Variants in PIGL observed in about 807,000 individuals in gnomAD.
The protein encoded by PIGL is N-acetylglucosaminyl-phosphatidylinositol de-N-acetylase.
In PIGL, 22 loss-of-function variants were observed where a neutral mutation model predicts 31.1. The ratio of observed to expected loss-of-function variants is 0.71; its 90% CI spans 0.51 to 1.01. The LOEUF (loss-of-function observed/expected upper bound fraction) is 1.01, where lower values mean the gene tolerates loss of function less well. Among genes scored for constraint, PIGL ranks in the 50% least tolerant of loss-of-function variants. The probability of loss-of-function intolerance (pLI) is 0.00; values close to 1 mark genes in which losing one functional copy is unlikely to be tolerated. For synonymous variants in PIGL, 131 were observed against 117.4 expected, an observed-to-expected ratio of 1.12 and a Z score of -0.75; for missense variants, 302 against 315.9, an observed-to-expected ratio of 0.96 and a Z score of 0.33.
At chr17:16,232,602 A>T (rs1324931850) in intron 1 of PIGL, among the ~76,000 whole-genome samples, 1 of 152,178 alleles carries the variant, frequency 6.6e-6, no homozygotes, top group East Asian at 1.9e-4. Context: ...TCTGATAACC[A>T]TAATCATAGA....
intron 1 of PIGL, among the ~76,000 whole-genome samples, chr17:16,220,319 G>A (rs543714870): frequency 6.6e-6 from 1 of 151,944 alleles, no homozygotes; most frequent in Non-Finnish European, 1.5e-5. Context: ...CTGCACTCCA[G>A]CCTGGCAACA....
intron 2 of PIGL, among the ~76,000 whole-genome samples, chr17:16,290,159 T>G (rs1019672195): frequency 4.0e-5 from 6 of 151,734 alleles, no homozygotes; most frequent in African/African-American, 1.5e-4. Context: ...AGTTGCTCAC[T>G]GCAACCTCCG....
chr17:16,267,617 T>C (rs1467360947), intron 2 of PIGL, among the ~76,000 whole-genome samples: 1 of 150,116 alleles, frequency 6.7e-6, no homozygotes, highest in Non-Finnish European at 1.5e-5. Context: ...GGCGGGAAGA[T>C]CACTTGAACC....
intron 2 of PIGL, among the ~76,000 whole-genome samples, chr17:16,236,982 G>A (rs2092701782): frequency 6.6e-6 from 1 of 151,992 alleles, no homozygotes; most frequent in Non-Finnish European, 1.5e-5. Flanking sequence ...CTGTTACCCA[G>A]GGTGGAGTGA....
chr17:16,305,042 T>G (rs964440039), intron 3 of PIGL, among the ~76,000 whole-genome samples: 2 of 151,958 alleles, frequency 1.3e-5, no homozygotes, highest in African/African-American at 4.8e-5. Context: ...ATTCCAACAC[T>G]TTGGGAGGCT....
In PIGL at chr17:16,295,929, G is replaced by A. The variant is rs543383536; in HGVS notation, c.336-3959G>A. 1.2e-4 allele frequency among the ~76,000 whole-genome samples: 19 copies of A among 152,134 alleles called. No individual in the cohort carries two copies. The East Asian group carries it at 1.3e-3, about 11-fold the overall frequency. ...GCATTCCAGCCTAGGCAACAAGACC[G>A]AAACACCATCTCAAAAATAAATAAA... is the stretch of plus-strand genomic sequence containing the variant. On this transcript the variant is annotated intron_variant, in intron 2 of 6. Transcript: ENST00000225609.
At chr17:16,283,247 C>T (rs1600820220) in intron 2 of PIGL, among the ~76,000 whole-genome samples, 3 of 152,222 alleles carry the variant, frequency 2.0e-5, no homozygotes, top group Admixed American at 2.0e-4. Context: ...AGGTGATCTG[C>T]CAGTCTCAGC....
In PIGL at chr17:16,233,496, A is replaced by G. The variant is rs541930077; in HGVS notation, c.236-475A>G. Among the ~76,000 whole-genome samples the G allele has an allele frequency of 5.3e-5, 8 of 152,274 alleles. No individual in the cohort carries two copies. In the East Asian group the frequency reaches 1.5e-3, roughly 29 times the overall value. On this transcript the variant is annotated intron_variant, in intron 1 of 6. Coordinates refer to ENST00000225609, the MANE Select transcript of PIGL (RefSeq NM_004278.4). ...AATGGTATCTACACATTTTCCTGTAATACTCAGGAGTAGCAACCTCTATTT... is the reference window on the plus strand; with the variant it reads ...AATGGTATCTACACATTTTCCTGTAGTACTCAGGAGTAGCAACCTCTATTT...
intron 2 of PIGL, among the ~76,000 whole-genome samples, chr17:16,273,247 C>G (rs1231931391): frequency 6.6e-6 from 1 of 152,084 alleles, no homozygotes; most frequent in Non-Finnish European, 1.5e-5. Flanking sequence ...AGACAGGTTG[C>G]CTGTGATCTG....
chr17:16,301,196 G>A (rs538192470), intron 3 of PIGL, among the ~76,000 whole-genome samples: 1 of 151,740 alleles, frequency 6.6e-6, no homozygotes, highest in African/African-American at 2.4e-5. Flanking sequence ...AAGCTGGAGT[G>A]CAGTGGCTGC....
chr17:16,316,983 CCT>C, intron 5 of PIGL: 1 of 1,243,834 alleles, frequency 8.0e-7, no homozygotes, highest in South Asian at 2.1e-5. Flanking sequence ...ATGTTTTACA[CCT>C]CTGGTATTCT....
chr17:16,257,735 G>A (rs1347817753), intron 2 of PIGL, among the ~76,000 whole-genome samples: 1 of 151,792 alleles, frequency 6.6e-6, no homozygotes, highest in South Asian at 2.1e-4. Context: ...TGAGAGAAGA[G>A]AGTAAAGTGA....
At chr17:16,268,381 T>G (rs2092854588) in intron 2 of PIGL, among the ~76,000 whole-genome samples, 3 of 152,038 alleles carry the variant, frequency 2.0e-5, no homozygotes, top group Non-Finnish European at 4.4e-5. Context: ...CTCTTTTAAG[T>G]GAAACATTAC....
At chr17:16,320,209 G>A in intron 6 of PIGL, among the ~76,000 whole-genome samples, 1 of 15,386 alleles carries the variant, frequency 6.5e-5, no homozygotes, top group African/African-American at 1.6e-4. Context: ...AGAAAAGGAA[G>A]GAAGGAAGGA....
chr17:16,299,349 G>T (rs532137592), intron 2 of PIGL, among the ~76,000 whole-genome samples: 1 of 151,872 alleles, frequency 6.6e-6, no homozygotes, highest in African/African-American at 2.4e-5. Flanking sequence ...CAGCTACTCA[G>T]GAGGCTGAGG....
chr17:16,225,858 G>A (rs912894275), intron 1 of PIGL, among the ~76,000 whole-genome samples: 7 of 152,006 alleles, frequency 4.6e-5, no homozygotes, highest in African/African-American at 1.7e-4. Flanking sequence ...GAAACAAATT[G>A]TCTCAAGACC....
intron 1 of PIGL, among the ~76,000 whole-genome samples, chr17:16,220,440 G>T (rs1427764113): frequency 1.5e-5 from 2 of 137,082 alleles, no homozygotes; most frequent in African/African-American, 5.6e-5. Context: ...GTTTTTTATT[G>T]TATGTTATTT....
chr17:16,290,745 A>G (rs901136270), intron 2 of PIGL, among the ~76,000 whole-genome samples: 3 of 151,514 alleles, frequency 2.0e-5, no homozygotes, highest in African/African-American at 7.3e-5. Context: ...CAGTGGTGCG[A>G]TCACAGCTCA....
At chr17:16,318,233 C>T (rs2093086983) in intron 6 of PIGL, among the ~76,000 whole-genome samples, 3 of 151,550 alleles carry the variant, frequency 2.0e-5, no homozygotes, top group Non-Finnish European at 4.4e-5. Context: ...CCACCAATCA[C>T]AGGTAATCCT....
Sources: gnomAD v4.1 joint callset for allele counts (sites outside exome capture counted in the v4.1 genomes callset) on GRCh38, gnomAD v4.1.1 for gene constraint, MANE v1.5 for transcripts, NCBI Gene and HGNC (gene_info 2026-07-23, HGNC 2026-07-21) for gene names.